COL8A2: variants seen among roughly 807,000 people sequenced by gnomAD.
The protein encoded by COL8A2 is collagen type VIII alpha 2 chain.
A neutral mutation model predicts 24.0 loss-of-function variants in COL8A2; 16 were observed. The ratio of observed to expected loss-of-function variants is 0.67; its 90% CI spans 0.45 to 1.01. The LOEUF (loss-of-function observed/expected upper bound fraction) is 1.01, where lower values mean the gene tolerates loss of function less well. Ranked by LOEUF, COL8A2 falls within the 50% of genes least tolerant of loss-of-function variation. COL8A2 has a pLI of 0.00. For synonymous variants in COL8A2, 466 were observed against 424.5 expected (o/e 1.10, Z -1.20); for missense variants, 818 against 942.4 (o/e 0.87, Z 1.73).
intron 2 of COL8A2, among the ~76,000 whole-genome samples, 161 bp from the exon 3 acceptor site, chr1:36,100,419 A>G: frequency 6.6e-6 from 1 of 152,174 alleles, no homozygotes; most frequent in Non-Finnish European, 1.5e-5. Context: ...GCAATTTTCA[A>G]AGTCGCGGGG....
In COL8A2 at chr1:36,115,640, G is replaced by T; in HGVS notation, c.-17+68C>A. Reference sequence around the variant, plus strand: ...GGTGCAGCAGGAGGGAGTGAGGTTAGACAGCAATGAACACAGGCCTCATCT... The same window carrying T: ...GGTGCAGCAGGAGGGAGTGAGGTTATACAGCAATGAACACAGGCCTCATCT... On this transcript the variant is annotated intron_variant, in intron 2 of 3. Coordinates refer to ENST00000397799, the MANE Select transcript of COL8A2 (RefSeq NM_005202.4). This position sits in a 1 kb window ranked among gnomAD's most constrained non-coding sequence, Gnocchi z 5.7. 1.1e-6 allele frequency: 1 copy of T among 895,058 alleles called. No homozygotes were observed. The highest frequency in any genetic ancestry group is 1.3e-6 in the Non-Finnish European group (1 of 747,648). The allele number at this position is 895,058 out of a possible 1,614,324, so 55.4% of individuals were successfully genotyped here.
intron 2 of COL8A2, among the ~76,000 whole-genome samples, chr1:36,107,709 C>T (rs1268484138): frequency 3.3e-5 from 5 of 152,202 alleles, no homozygotes; most frequent in African/African-American, 4.8e-5. Flanking sequence ...CCAGGGACGA[C>T]GGTTTGCCCC....
intron 2 of COL8A2, among the ~76,000 whole-genome samples, chr1:36,101,128 A>T (rs1317219095): frequency 1.3e-5 from 2 of 152,030 alleles, no homozygotes; most frequent in Admixed American, 6.6e-5. Flanking sequence ...TCCTGACCTC[A>T]GGTGATCCGG....
chr1:36,124,850 C>G (rs1427373926), intron 1 of COL8A2, among the ~76,000 whole-genome samples: 1 of 152,068 alleles, frequency 6.6e-6, no homozygotes, highest in East Asian at 1.9e-4. Flanking sequence ...TTACTGGGAT[C>G]CTGCCGGGGA....
intron 2 of COL8A2, among the ~76,000 whole-genome samples, chr1:36,106,616 C>T (rs576541087): frequency 6.6e-6 from 1 of 152,310 alleles, no homozygotes; most frequent in Admixed American, 6.5e-5. Flanking sequence ...CAAGAGGATC[C>T]AGAACAGCCC....
rs1557738360 is a variant in COL8A2, at chr1:36,098,802, G to A, written c.879C>T (p.Gly293=). 1.2e-6 allele frequency: 2 copies of A among 1,611,834 alleles called. No homozygotes were observed. Among genetic ancestry groups the A allele is most frequent in the East Asian group, 4.5e-5 (2 of 44,778 alleles). Residue 293 remains glycine (G), a synonymous_variant, in exon 4 of 4, where the codon GGC becomes GGT. Transcript: ENST00000397799. ...CTGGCTCCCCTTTGGCCCCTGATGG[G>A]CCCTGTGGTCCTGGCAACCCTGCTG... ...PGAAGLPGPQ[G]PSGAKGEPGT...
rs770032260 is a variant in COL8A2 at position 36,099,134 on chromosome 1, G to A, written c.547C>T (p.Pro183Ser). 2 of 1,505,132 alleles carry A rather than the reference G, an allele frequency of 1.3e-6. No individual in the cohort carries two copies. Among genetic ancestry groups the A allele is most frequent in the Admixed American group, 2.3e-5 (1 of 43,102 alleles). The allele number at this position is 1,505,132 out of a possible 1,614,324, so 93.2% of individuals were successfully genotyped here. The change falls in exon 4 of 4, where the codon CCC (proline) becomes TCC (serine). Residue 183 changes from proline to serine, a missense_variant. By Grantham distance (74) the Pro-to-Ser change is moderately conservative. Around this residue, in one of 3 missense-constraint regions of COL8A2, gnomAD observed 573 missense variants for 616.8 expected, o/e 0.93. Transcript: ENST00000397799. ...CCTGGTTCCCCCTGGAATCCTGGGG[G>A]CCCTGGCACCCCTTGGGCACCTGGT... Reference protein sequence around the residue: ...GKPGAQGVPGPPGFQGEPGPQ... With the variant: ...GKPGAQGVPGSPGFQGEPGPQ...
intron 2 of COL8A2, among the ~76,000 whole-genome samples, chr1:36,114,801 C>T (rs973620756): frequency 1.3e-5 from 2 of 152,172 alleles, no homozygotes; most frequent in African/African-American, 4.8e-5. Flanking sequence ...CAGCCAAGCC[C>T]TCAGGTGGCT....
rs1304890828 is a variant in COL8A2 at position 36,123,801 on chromosome 1, C to T, written c.-62+1256G>A. On this transcript the variant is annotated intron_variant, in intron 1 of 3. Transcript: ENST00000397799. This position sits in a 1 kb window ranked among gnomAD's most constrained non-coding sequence, Gnocchi z 4.1. Reference sequence around the variant, plus strand: ...CATGTCTGTGGTTTCTCCTCATTATCATCTAGGGTCATTGTGTGTCCAAGG... The same window carrying T: ...CATGTCTGTGGTTTCTCCTCATTATTATCTAGGGTCATTGTGTGTCCAAGG... 3.3e-5 allele frequency among the ~76,000 whole-genome samples: 5 copies of T among 152,130 alleles called. No homozygotes were observed. The highest frequency in any genetic ancestry group is 1.2e-4 in the African/African-American group (5 of 41,410).
At position 36,125,130 on chromosome 1, in the gene COL8A2, C is replaced by G; in HGVS notation, c.-135G>C. 1 of 878,146 alleles carries G rather than the reference C, an allele frequency of 1.1e-6. No homozygotes were observed. The highest frequency in any genetic ancestry group is 1.4e-6 in the Non-Finnish European group (1 of 734,314). The allele number at this position is 878,146 out of a possible 1,614,324, so 54.4% of individuals were successfully genotyped here. On this transcript the variant is annotated 5_prime_UTR_variant, in exon 1 of 4. Transcript: ENST00000397799. The surrounding 1 kb of genome is among the most constrained non-coding windows in gnomAD (Gnocchi z 4.5). The stretch of plus-strand genomic sequence containing the variant: ...GGGCGGCGAGGGCTCCGGGCAGGGG[C>G]GTCCGCGGCTGGGCGGGCGGCGTTG...
chr1:36,106,124 A>G (rs910702143), intron 2 of COL8A2, among the ~76,000 whole-genome samples: 1 of 149,720 alleles, frequency 6.7e-6, no homozygotes, highest in Non-Finnish European at 1.5e-5. Context: ...TACAAAAATA[A>G]GCCAGGCATG....
intron 2 of COL8A2, among the ~76,000 whole-genome samples, chr1:36,108,279 CTG>C (rs1227904849): frequency 1.3e-5 from 2 of 152,212 alleles, no homozygotes; most frequent in Non-Finnish European, 2.9e-5. Flanking sequence ...GACACTTCAT[CTG>C]TGTGTTCCTT....
chr1:36,119,207 A>G (rs1163328304), intron 1 of COL8A2, among the ~76,000 whole-genome samples: 4 of 152,176 alleles, frequency 2.6e-5, no homozygotes, highest in South Asian at 4.1e-4. Flanking sequence ...TTCACAGAGC[A>G]TTTGTGAGGA....
intron 1 of COL8A2, among the ~76,000 whole-genome samples, chr1:36,124,612 A>G (rs1418542236): frequency 2.6e-5 from 4 of 151,974 alleles, no homozygotes; most frequent in African/African-American, 9.7e-5. Context: ...GCAAATCAGC[A>G]ATGGCAGAGA....
In COL8A2 at chr1:36,096,937, A is replaced by T. The variant is rs1263794589; in HGVS notation, c.*632T>A. On this transcript the variant is annotated 3_prime_UTR_variant, in exon 4 of 4. Coordinates refer to ENST00000397799, the MANE Select transcript of COL8A2 (RefSeq NM_005202.4). ...CTGCCTTCCCCATGGCTGCCACTGG[A>T]GCAGTGAAAGGGAGGTTGCCCTTTC... is the stretch of plus-strand genomic sequence containing the variant. 1 of 153,154 alleles carries T rather than the reference A, an allele frequency of 6.5e-6. No homozygotes were observed. The highest frequency in any genetic ancestry group is 2.4e-5 in the African/African-American group (1 of 41,446). The allele number at this position is 153,154 out of a possible 1,614,324, so 9.5% of individuals were successfully genotyped here.
At chr1:36,109,929 CTTTTT>C (rs35479902) in intron 2 of COL8A2, among the ~76,000 whole-genome samples, 1 of 92,044 alleles carries the variant, frequency 1.1e-5, no homozygotes, top group Non-Finnish European at 2.2e-5. Flanking sequence ...CCTTTACTTC[CTTTTT>C]TTTTTTTTTT....
Position 36,097,812 on chromosome 1 carries a change from A to C in COL8A2, c.1869T>G (p.Ala623=), listed in dbSNP as rs1643594526. 6.2e-7 allele frequency: 1 copy of C among 1,613,718 alleles called. No homozygotes were observed. Among genetic ancestry groups the C allele is most frequent in the Non-Finnish European group, 8.5e-7 (1 of 1,180,014 alleles). ...TGGTGCCCTTGACGTGCACATGGTA[A>C]GCAAAGTAGTAGACGCCGCCCACAG... ...TCPVGGVYYF[A]YHVHVKGTNV... The change falls in exon 4 of 4, where the codon GCT becomes GCG. Residue 623 remains alanine, a synonymous_variant. Coordinates refer to ENST00000397799, the MANE Select transcript of COL8A2 (RefSeq NM_005202.4).
rs752940687 is a variant in COL8A2, at chr1:36,097,758, G to A, written c.1923C>T (p.Asn641=). 1.3e-5 allele frequency: 21 copies of A among 1,613,632 alleles called. No individual in the cohort carries two copies. The highest frequency in any genetic ancestry group is 6.7e-5 in the Admixed American group (4 of 60,002). The change falls in exon 4 of 4, where the codon AAC becomes AAT. Residue 641 remains asparagine (N), a synonymous_variant. Transcript: ENST00000397799. ...TNVWVALYKN[N]VPATYTYDEY... is the part of the protein sequence containing the mutation. ...CATCGTAGGTATAGGTGGCCGGCAC[G>A]TTGTTCTTGTACAGGGCCACCCACA... is the stretch of plus-strand genomic sequence containing the variant.
chr1:36,122,828 G>A (rs1047838492), intron 1 of COL8A2, among the ~76,000 whole-genome samples: 2 of 152,074 alleles, frequency 1.3e-5, no homozygotes, highest in African/African-American at 4.8e-5. Context: ...TCTAGACAGG[G>A]CCCTTAGAAA....
Sources: allele counts gnomAD v4.1 joint callset (sites outside exome capture counted in the v4.1 genomes callset), GRCh38; gene constraint gnomAD v4.1.1; regional missense constraint gnomAD v4.1.1; non-coding constraint Gnocchi (gnomAD v3.1); transcripts MANE v1.5; gene names NCBI Gene and HGNC (gene_info 2026-07-23, HGNC 2026-07-21).